The following DMGDH variants were observed in gnomAD, a reference collection of about 807,000 sequenced individuals.
DMGDH encodes dimethylglycine dehydrogenase.
DMGDH carries 76 observed loss-of-function variants against 95.2 expected under a neutral mutation model. The observed-to-expected ratio is 0.80, with a 90% CI of 0.66 to 0.97. The LOEUF is 0.97. DMGDH is among the 50% of genes least tolerant of loss of function. DMGDH has a pLI of 0.00. For synonymous variants in DMGDH, 345 were observed against 377.6 expected (o/e 0.91, Z 1.00); for missense variants, 987 against 1,055.0 (o/e 0.94, Z 0.89).
chr5:79,033,734 C>T (rs577877469), intron 7 of DMGDH, among the ~76,000 whole-genome samples: 4 of 152,228 alleles, frequency 2.6e-5, no homozygotes, highest in East Asian at 1.9e-4. Context: ...AGTTCGAGAA[C>T]GGCCTGGCCA....
In DMGDH at chr5:78,998,121, T is replaced by C. The variant is rs1753391538; in HGVS notation, c.2562A>G (p.Arg854=). 6.2e-7 allele frequency: 1 copy of C among 1,614,234 alleles called. No homozygotes were observed. Among genetic ancestry groups the C allele is most frequent in the Non-Finnish European group, 8.5e-7 (1 of 1,180,034 alleles). Residue 854 remains arginine (R), a synonymous_variant, in exon 16 of 16, where the codon AGA becomes AGG. Coordinates refer to ENST00000255189, the MANE Select transcript of DMGDH (RefSeq NM_013391.3). ...QEPLVLTEPT[R]NRLQKKGGKD... ...TTCCACCTTTTTTCTGAAGCCGGTT[T>C]CTGGTTGGTTCGGTCAATACCAAAG... is the stretch of plus-strand genomic sequence containing the variant.
chr5:79,034,881 C>T (rs1754296165), intron 7 of DMGDH, among the ~76,000 whole-genome samples: 1 of 151,470 alleles, frequency 6.6e-6, no homozygotes, highest in South Asian at 2.1e-4. Context: ...CACGGTGAAA[C>T]CCCGTTTCTA....
intron 7 of DMGDH, among the ~76,000 whole-genome samples, chr5:79,041,311 C>G (rs976818163): frequency 6.6e-6 from 1 of 152,116 alleles, no homozygotes; most frequent in African/African-American, 2.4e-5. Flanking sequence ...TGGCACAGAG[C>G]TAGCAGTTAT....
chr5:79,002,361 C>T (rs758886514), intron 15 of DMGDH, among the ~76,000 whole-genome samples: 4 of 152,192 alleles, frequency 2.6e-5, no homozygotes, highest in Non-Finnish European at 5.9e-5. Flanking sequence ...TTTCTCATGA[C>T]CATCTTTATG....
At chr5:79,033,138 T>C in intron 8 of DMGDH, 101 bp downstream of exon 8, 3 of 1,465,244 alleles carry the variant, frequency 2.0e-6, no homozygotes, top group South Asian at 1.2e-5. Flanking sequence ...AGTCCCTAAC[T>C]ACCGCCATCC....
At chr5:79,069,006 C>T (rs993430722) in intron 1 of DMGDH, among the ~76,000 whole-genome samples, 9 of 152,264 alleles carry the variant, frequency 5.9e-5, no homozygotes, top group African/African-American at 1.9e-4. Context: ...CCCATATGTA[C>T]TCAAAGATAG....
intron 2 of DMGDH, among the ~76,000 whole-genome samples, chr5:79,061,240 C>T (rs910434993): frequency 1.1e-4 from 15 of 139,660 alleles, no homozygotes; most frequent in East Asian, 2.1e-4. Context: ...CACACACACA[C>T]ACACACACAC....
intron 15 of DMGDH, among the ~76,000 whole-genome samples, 179 bp downstream of exon 15, chr5:79,005,094 T>C (rs1020687070): frequency 6.6e-6 from 1 of 152,230 alleles, no homozygotes; most frequent in Non-Finnish European, 1.5e-5. Flanking sequence ...ATGAGCAACA[T>C]TGCATTTTCC....
chr5:79,028,922 T>G (rs571208921), intron 11 of DMGDH, among the ~76,000 whole-genome samples: 223 of 152,310 alleles, frequency 1.5e-3, no homozygotes, highest in African/African-American at 5.3e-3. Flanking sequence ...TGCCACACAA[T>G]TCTTTTAAAT....
In DMGDH at chr5:79,043,407, C is replaced by T. The variant is rs149108687; in HGVS notation, c.994+897G>A. ...GGATCAGGAGCAATTCTGCTCAGGCCCAAATGTGCAGAGCCCACTCAGCAC... is the reference window on the plus strand; with the variant it reads ...GGATCAGGAGCAATTCTGCTCAGGCTCAAATGTGCAGAGCCCACTCAGCAC... On this transcript the variant is annotated intron_variant, in intron 6 of 15. Transcript: ENST00000255189. Among the ~76,000 whole-genome samples the T allele has an allele frequency of 2.5e-3, 374 of 152,290 alleles. 1 individual carries two copies. Among genetic ancestry groups the T allele is most frequent in the Non-Finnish European group, 3.8e-3 (256 of 68,032 alleles).
In DMGDH at chr5:79,069,614, G is replaced by C. The variant is rs1217999389; in HGVS notation, c.7C>G (p.Arg3Gly). The C allele has an allele frequency of 4.4e-6, 6 of 1,372,866 alleles. No individual in the cohort carries two copies. The highest frequency in any genetic ancestry group is 5.7e-5 in the Admixed American group (2 of 35,102). 85.0% of individuals were successfully genotyped at this position (1,372,866 alleles called of 1,614,324 possible). Residue 3 changes from arginine to glycine, a missense_variant, in exon 1 of 16, where the codon CGT becomes GGT. Transcript: ENST00000255189. MLRPGAQLLRGLL... is the reference protein window; with the variant it reads MLGPGAQLLRGLL... Reference sequence around the variant, plus strand: ...CCCCGCAGCAGCTGCGCGCCGGGACGGAGCATGACTAGGCCGAGGCCGAGG... The same window carrying C: ...CCCCGCAGCAGCTGCGCGCCGGGACCGAGCATGACTAGGCCGAGGCCGAGG...
In DMGDH at chr5:79,056,620, G is replaced by A. The variant is rs909998285; in HGVS notation, c.277-712C>T. On this transcript the variant is annotated intron_variant, in intron 2 of 15. Coordinates refer to ENST00000255189, the MANE Select transcript of DMGDH (RefSeq NM_013391.3). ...TGTAATCCCAGCACTTTGGGAGGCCGAGGTGGGTGGATTACCTGAGGTCAG... is the reference window on the plus strand; with the variant it reads ...TGTAATCCCAGCACTTTGGGAGGCCAAGGTGGGTGGATTACCTGAGGTCAG... Among the ~76,000 whole-genome samples the A allele has an allele frequency of 4.2e-4, 64 of 150,764 alleles. 1 individual carries two copies. Among genetic ancestry groups the A allele is most frequent in the Non-Finnish European group, 8.9e-5 (6 of 67,684 alleles).
At chr5:79,054,513 C>G (rs1036062936) in intron 3 of DMGDH, among the ~76,000 whole-genome samples, 165 bp from the exon 4 acceptor site, 1 of 152,182 alleles carries the variant, frequency 6.6e-6, no homozygotes, top group Non-Finnish European at 1.5e-5. Context: ...ACTTATTCAG[C>G]AACTACCATA....
intron 1 of DMGDH, among the ~76,000 whole-genome samples, chr5:79,065,072 A>G (rs1471624090): frequency 6.6e-6 from 1 of 151,926 alleles, no homozygotes; most frequent in Non-Finnish European, 1.5e-5. Flanking sequence ...ATTAAAAACT[A>G]AGACACAAAC....
intron 14 of DMGDH, among the ~76,000 whole-genome samples, chr5:79,010,842 A>C (rs917168014): frequency 6.6e-6 from 1 of 151,994 alleles, no homozygotes; most frequent in Non-Finnish European, 1.5e-5. Flanking sequence ...ATAGGCGGGG[A>C]AGGGCTGCAG....
intron 4 of DMGDH, among the ~76,000 whole-genome samples, chr5:79,051,986 T>C (rs1339341566): frequency 1.3e-5 from 2 of 152,222 alleles, no homozygotes; most frequent in African/African-American, 4.8e-5. Flanking sequence ...ATGGGTCTCA[T>C]CTATTCAACA....
At chr5:79,028,731 C>G in intron 11 of DMGDH, 81 bp from the exon 12 acceptor site, 1 of 1,448,784 alleles carries the variant, frequency 6.9e-7, no homozygotes, top group East Asian at 2.3e-5. Context: ...TGAAGACATG[C>G]TTTGTGTCTA....
intron 14 of DMGDH, among the ~76,000 whole-genome samples, chr5:79,022,059 T>C (rs897503657): frequency 6.6e-6 from 1 of 152,214 alleles, no homozygotes; most frequent in Non-Finnish European, 1.5e-5. Context: ...GATCATAGTG[T>C]AAATGCCTAA....
At chr5:79,016,847 T>A (rs181937506) in intron 14 of DMGDH, among the ~76,000 whole-genome samples, 1 of 152,246 alleles carries the variant, frequency 6.6e-6, no homozygotes, top group East Asian at 1.9e-4. Flanking sequence ...GATAAACAGA[T>A]ATACAGAATA....
Sources: allele counts gnomAD v4.1 joint callset (sites outside exome capture counted in the v4.1 genomes callset), GRCh38; gene constraint gnomAD v4.1.1; transcripts MANE v1.5; gene names NCBI Gene and HGNC (gene_info 2026-07-23, HGNC 2026-07-21).